MIA2: variants seen among roughly 807,000 people sequenced by gnomAD.
The protein encoded by MIA2 is MIA SH3 domain ER export factor 2.
A neutral mutation model predicts 167.8 loss-of-function variants in MIA2; 127 were observed. The observed-to-expected ratio is 0.76, with a 90% CI of 0.66 to 0.88. MIA2 has a LOEUF of 0.88. Among genes scored for constraint, MIA2 ranks in the 40% least tolerant of loss-of-function variants. The pLI is 0.00. For synonymous variants in MIA2, 552 were observed against 541.9 expected (o/e 1.02, Z -0.26); for missense variants, 1,690 against 1,624.7 (o/e 1.04, Z -0.69).
chr14:39,307,390 A>ATTT (rs373046158), intron 17 of MIA2, among the ~76,000 whole-genome samples: 8 of 67,484 alleles, frequency 1.2e-4, no homozygotes, highest in African/African-American at 3.4e-4. Context: ...AGTTAAAAGA[A>ATTT]TTTTTTTTTT....
At chr14:39,342,267 T>C (rs1459470262) in intron 25 of MIA2, among the ~76,000 whole-genome samples, 2 of 151,460 alleles carry the variant, frequency 1.3e-5, no homozygotes, top group Non-Finnish European at 2.9e-5. Context: ...CAGTGTTTGG[T>C]TTTTTGTCCT....
chr14:39,286,863 TTC>T (rs2059882636), intron 9 of MIA2, among the ~76,000 whole-genome samples: 1 of 77,820 alleles, frequency 1.3e-5, no homozygotes, highest in African/African-American at 4.4e-5. Context: ...CTGGCTATTT[TTC>T]TGTGTGTGTG....
At chr14:39,298,443 A>ATATATATATATATATATGTATGT (rs1372100362) in intron 13 of MIA2, among the ~76,000 whole-genome samples, 3 of 50,056 alleles carry the variant, frequency 6.0e-5, no homozygotes, top group Admixed American at 2.2e-4. Context: ...ATATATATAT[A>ATATATATATATATATATGTATGT]AAGATTAGTT....
At position 39,252,886 on chromosome 14, in the gene MIA2, C is replaced by G; in HGVS notation, c.1706C>G (p.Ser569Cys). 2 of 1,614,002 alleles carry G rather than the reference C, an allele frequency of 1.2e-6. No homozygotes were observed. Among genetic ancestry groups the G allele is most frequent in the African/African-American group, 2.7e-5 (2 of 75,040 alleles). The change falls in exon 5 of 29, where the codon TCT becomes TGT. Residue 569 changes from serine to cysteine, a missense_variant. By Grantham distance (112) the Ser-to-Cys change is moderately radical (BLOSUM62 -1). Coordinates refer to ENST00000640607, the MANE Select transcript of MIA2 (RefSeq NM_001329214.4). Reference sequence around the variant, plus strand: ...CCTGCTCTGGTGGAGATAGACAGATCTGTGGAAAATACCCTGCTAAATAGT... The same window carrying G: ...CCTGCTCTGGTGGAGATAGACAGATGTGTGGAAAATACCCTGCTAAATAGT... Reference protein sequence around the residue: ...EGPALVEIDRSVENTLLNSQM... With the variant: ...EGPALVEIDRCVENTLLNSQM...
intron 21 of MIA2, among the ~76,000 whole-genome samples, chr14:39,317,064 A>T (rs2065600801): frequency 6.6e-6 from 1 of 152,200 alleles, no homozygotes; most frequent in African/African-American, 2.4e-5. Context: ...ACAAAGAGAC[A>T]GTTAAGCAGT....
chr14:39,339,124 G>A (rs1369979648), intron 25 of MIA2, among the ~76,000 whole-genome samples: 1 of 152,134 alleles, frequency 6.6e-6, no homozygotes, highest in Non-Finnish European at 1.5e-5. Context: ...TCCCTCACAT[G>A]CGCAGTTCAC....
chr14:39,348,676 T>A, intron 27 of MIA2, 67 bp from the exon 28 acceptor site: 1 of 1,585,790 alleles, frequency 6.3e-7, no homozygotes, highest in Non-Finnish European at 8.7e-7. Context: ...CTTCTAAGCC[T>A]GAGATTTTCG....
At chr14:39,308,002 G>A (rs185933685) in intron 17 of MIA2, among the ~76,000 whole-genome samples, 1 of 152,112 alleles carries the variant, frequency 6.6e-6, no homozygotes, top group Non-Finnish European at 1.5e-5. Flanking sequence ...AACTAGATAG[G>A]TGGAACAATT....
At chr14:39,321,452 T>C (rs957674640) in intron 24 of MIA2, among the ~76,000 whole-genome samples, 2 of 151,980 alleles carry the variant, frequency 1.3e-5, no homozygotes, top group Non-Finnish European at 2.9e-5. Flanking sequence ...TAGCTGGGAC[T>C]ACAGGCGCCC....
At chr14:39,277,778 ATATT>A (rs2058377739) in intron 7 of MIA2, among the ~76,000 whole-genome samples, 14 of 101,610 alleles carry the variant, frequency 1.4e-4, no homozygotes, top group Non-Finnish European at 2.1e-4. Context: ...ATATATATAT[ATATT>A]TATATTTAAA....
At position 39,253,121 on chromosome 14, in the gene MIA2, T is replaced by C; in HGVS notation, c.1837T>C (p.Tyr613His). Residue 613 changes from tyrosine (Y) to histidine (H), a missense_variant, in exon 6 of 29, where the codon TAT (tyrosine) becomes CAT (histidine). Coordinates refer to ENST00000640607, the MANE Select transcript of MIA2 (RefSeq NM_001329214.4). ...ILKYLFQIDVYDFMNSAFSPI... is the reference protein window; with the variant it reads ...ILKYLFQIDVHDFMNSAFSPI... ...GAAATACTTATTCCAAATTGATGTT[T>C]ATGATTTCATGAATTCTGCATTTTC... The C allele has an allele frequency of 6.2e-7, 1 of 1,607,502 alleles. No individual in the cohort carries two copies. The highest frequency in any genetic ancestry group is 8.5e-7 in the Non-Finnish European group (1 of 1,176,676).
At position 39,266,076 on chromosome 14, in the gene MIA2, A is replaced by C. The variant is rs115534011; in HGVS notation, c.1888-10858A>C. The C allele has an allele frequency of 8.0e-4, 787 of 985,428 alleles. 6 individuals carry two copies. The African/African-American group carries it at 0.013, about 17-fold the overall frequency. The allele number at this position is 985,428 out of a possible 1,614,324, so 61.0% of individuals were successfully genotyped here. A position where few individuals can be genotyped will look rare whatever the true frequency, so the allele number is the denominator to read the frequency against. ...TTTTTGATTTTTTAAATGGCATAAC[A>C]GTTCGTTGCTACAAGAGGTTACATC... On this transcript the variant is annotated intron_variant, in intron 6 of 28. Transcript: ENST00000640607.
intron 23 of MIA2, among the ~76,000 whole-genome samples, chr14:39,320,650 T>G (rs2066251563): frequency 6.6e-6 from 1 of 152,224 alleles, no homozygotes; most frequent in Non-Finnish European, 1.5e-5. Flanking sequence ...CAATATCCTT[T>G]GCTTAATATA....
chr14:39,240,051 A>T (rs964973529), intron 2 of MIA2, among the ~76,000 whole-genome samples: 3 of 152,212 alleles, frequency 2.0e-5, no homozygotes, highest in African/African-American at 7.2e-5. Context: ...GCCCCAGAAA[A>T]GTAGAATGGA....
At chr14:39,257,014 G>T (rs1054093907) in intron 6 of MIA2, among the ~76,000 whole-genome samples, 1 of 152,186 alleles carries the variant, frequency 6.6e-6, no homozygotes, top group East Asian at 1.9e-4. Context: ...GCTGAGGTGT[G>T]TTTCACTTCT....
intron 23 of MIA2, among the ~76,000 whole-genome samples, chr14:39,380,519 C>T: frequency 6.6e-6 from 1 of 151,760 alleles, no homozygotes; most frequent in Middle Eastern, 3.2e-3. Context: ...ATGGTGAAAC[C>T]CTATCTCTAC....
intron 4 of MIA2, among the ~76,000 whole-genome samples, chr14:39,251,562 T>C (rs2054576230): frequency 1.3e-5 from 2 of 152,146 alleles, no homozygotes; most frequent in South Asian, 4.1e-4. Context: ...CATATAAATT[T>C]GAGTATAATT....
intron 25 of MIA2, among the ~76,000 whole-genome samples, chr14:39,331,871 G>A (rs2068963771): frequency 6.6e-6 from 1 of 152,094 alleles, no homozygotes; most frequent in Non-Finnish European, 1.5e-5. Context: ...CTTTCTCTCT[G>A]GCTGCCCTTA....
chr14:39,269,601 C>T (rs750991891), intron 6 of MIA2, among the ~76,000 whole-genome samples: 52 of 151,700 alleles, frequency 3.4e-4, no homozygotes, highest in South Asian at 4.2e-4. Flanking sequence ...CTCACTGCAG[C>T]TTAGACCTCT....
Sources: gnomAD v4.1 joint callset for allele counts (sites outside exome capture counted in the v4.1 genomes callset) on GRCh38, gnomAD v4.1.1 for gene constraint, MANE v1.5 for transcripts, NCBI Gene and HGNC (gene_info 2026-07-23, HGNC 2026-07-21) for gene names.